ACE: variants seen among roughly 807,000 people sequenced by gnomAD.
ACE encodes angiotensin I converting enzyme.
A neutral mutation model predicts 162.3 loss-of-function variants in ACE; 122 were observed. The observed-to-expected ratio is 0.75, with a 90% CI of 0.65 to 0.87. The LOEUF is 0.87. ACE is among the 40% of genes least tolerant of loss of function. The pLI, the probability that ACE is intolerant of heterozygous loss-of-function variation, is 0.00. For missense variants in ACE, 1,799 were observed against 1,735.1 expected, an observed-to-expected ratio of 1.04 and a Z score of -0.65; for synonymous variants, 796 against 720.6, an observed-to-expected ratio of 1.10 and a Z score of -1.68.
Position 63,494,464 on chromosome 17 carries a change from A to G in ACE, c.3374A>G (p.Tyr1125Cys). 1 of 1,613,532 alleles carries G rather than the reference A, an allele frequency of 6.2e-7. No individual in the cohort carries two copies. Among genetic ancestry groups the G allele is most frequent in the Admixed American group, 1.7e-5 (1 of 59,950 alleles). Residue 1125 changes from tyrosine to cysteine, a missense_variant, in exon 22 of 25, where the codon TAC (tyrosine) becomes TGC (cysteine). By Grantham distance (194) the Tyr-to-Cys change is radical. Coordinates refer to ENST00000290866, the MANE Select transcript of ACE (RefSeq NM_000789.4). ...TTCCACATTCCTTCTAGCGTGCCTTACATCAGGTAACGGGAAAGGCAGGAG... is the reference window on the plus strand; with the variant it reads ...TTCCACATTCCTTCTAGCGTGCCTTGCATCAGGTAACGGGAAAGGCAGGAG... ...AKFHIPSSVP[Y>C]IRYFVSFIIQ... is the part of the protein sequence containing the mutation.
rs111618613 is a variant in ACE, at chr17:63,497,871, C to G, written c.*505C>G. 3.7e-3 allele frequency: 976 copies of G among 264,356 alleles called. 6 individuals carry two copies. Among genetic ancestry groups the G allele is most frequent in the African/African-American group, 0.02 (878 of 44,278 alleles). The allele number at this position is 264,356 out of a possible 1,614,324, so 16.4% of individuals were successfully genotyped here. On this transcript the variant is annotated 3_prime_UTR_variant, in exon 25 of 25. Transcript: ENST00000290866. ...GCCCAAGCACTGACCCACGCGGACT[C>G]TGGGAAGCAGACATCCTGGGCTGCT...
At position 63,481,204 on chromosome 17, in the gene ACE, A is replaced by G. The variant is rs201274031; in HGVS notation, c.945+16A>G. On this transcript the variant is annotated intron_variant, in intron 6 of 24. Coordinates refer to ENST00000290866, the MANE Select transcript of ACE (RefSeq NM_000789.4). ...GCTGCAGCAGGTAAGCTCTGGGCTCAAGCCTGGGGTGGTGGGGGTCGGGGG... is the reference window on the plus strand; with the variant it reads ...GCTGCAGCAGGTAAGCTCTGGGCTCGAGCCTGGGGTGGTGGGGGTCGGGGG... The G allele has an allele frequency of 3.1e-4, 377 of 1,231,286 alleles. 1 individual carries two copies. The African/African-American group carries it at 5.5e-3, about 18-fold the overall frequency. 76.3% of individuals were successfully genotyped at this position (1,231,286 alleles called of 1,614,324 possible).
At chr17:63,478,758 C>G in intron 2 of ACE, 1 of 574,870 alleles carries the variant, frequency 1.7e-6, no homozygotes, top group Admixed American at 2.6e-5. Flanking sequence ...TGGTGCCAAG[C>G]TGGGACTTGA....
chr17:63,482,233 G>A (rs1159934695), intron 7 of ACE, among the ~76,000 whole-genome samples: 7 of 152,048 alleles, frequency 4.6e-5, no homozygotes, highest in African/African-American at 9.7e-5. Context: ...CCCGGGAGGC[G>A]GAGGTTGCAG....
At position 63,484,677 on chromosome 17, in the gene ACE, A is replaced by G; in HGVS notation, c.1921+136A>G. Reference sequence around the variant, plus strand: ...TCCTGGAGGGCCAGGCAGCCCCCCAAGCTCATCAGCAGGGCCTGCGAGTGG... The same window carrying G: ...TCCTGGAGGGCCAGGCAGCCCCCCAGGCTCATCAGCAGGGCCTGCGAGTGG... On this transcript the variant is annotated intron_variant, in intron 12 of 24. Coordinates refer to ENST00000290866, the MANE Select transcript of ACE (RefSeq NM_000789.4). The surrounding 1 kb of genome is among the most constrained non-coding windows in gnomAD (Gnocchi z 4.0). 1 of 1,444,306 alleles carries G rather than the reference A, an allele frequency of 6.9e-7. No individual in the cohort carries two copies. The highest frequency in any genetic ancestry group is 9.1e-7 in the Non-Finnish European group (1 of 1,094,984). The allele number at this position is 1,444,306 out of a possible 1,614,324, so 89.5% of individuals were successfully genotyped here.
Position 63,484,241 on chromosome 17 carries a change from C to T in ACE, c.1710-89C>T, listed in dbSNP as rs866892521. The T allele has an allele frequency of 2.0e-5, 28 of 1,425,402 alleles. No homozygotes were observed. Among genetic ancestry groups the T allele is most frequent in the Non-Finnish European group, 2.5e-5 (26 of 1,045,514 alleles). The allele number at this position is 1,425,402 out of a possible 1,614,324, so 88.3% of individuals were successfully genotyped here. ...ACAGTTTCTGCAGTCCATTGGGGGG[C>T]GGAAGTGGCCAGGGGCATGTGGGCC... On this transcript the variant is annotated intron_variant, in intron 11 of 24. Coordinates refer to ENST00000290866, the MANE Select transcript of ACE (RefSeq NM_000789.4). The surrounding 1 kb of genome is among the most constrained non-coding windows in gnomAD (Gnocchi z 4.0).
At position 63,477,353 on chromosome 17, in the gene ACE, C is replaced by G. The variant is rs781610217; in HGVS notation, c.249+10C>G. 9.1e-6 allele frequency: 11 copies of G among 1,210,042 alleles called. No homozygotes were observed. The highest frequency in any genetic ancestry group is 3.1e-4 in the Middle Eastern group (1 of 3,272). 75.0% of individuals were successfully genotyped at this position (1,210,042 alleles called of 1,614,324 possible). On this transcript the variant is annotated intron_variant, in intron 1 of 24. Coordinates refer to ENST00000290866, the MANE Select transcript of ACE (RefSeq NM_000789.4). ...GAATGCAAGGCGCCAGGTGGGCGCCCGGGCCCGGGCGGGGGCGGGGCGGGG... is the reference window on the plus strand; with the variant it reads ...GAATGCAAGGCGCCAGGTGGGCGCCGGGGCCCGGGCGGGGGCGGGGCGGGG...
chr17:63,487,923 G>A (rs1485531945), intron 15 of ACE, among the ~76,000 whole-genome samples: 1 of 152,216 alleles, frequency 6.6e-6, no homozygotes, highest in Non-Finnish European at 1.5e-5. Context: ...TTGTGGATGT[G>A]GGTACCCATG....
Position 63,488,800 on chromosome 17 carries a change from C to T in ACE, c.2449+9C>T, listed in dbSNP as rs1279190787. The T allele has an allele frequency of 7.4e-6, 12 of 1,614,038 alleles. No individual in the cohort carries two copies. Among genetic ancestry groups the T allele is most frequent in the Non-Finnish European group, 1.0e-5 (12 of 1,180,024 alleles). ...GGCTGCCCGGCTCAATGGTGAGTCC[C>T]TGCTGCCAACATCACTGGCACTTGG... On this transcript the variant is annotated intron_variant, in intron 16 of 24. Coordinates refer to ENST00000290866, the MANE Select transcript of ACE (RefSeq NM_000789.4).
At chr17:63,490,606 C>A in intron 17 of ACE, 1 of 369,018 alleles carries the variant, frequency 2.7e-6, no homozygotes, top group South Asian at 2.3e-5. Flanking sequence ...TGGTGCAGAG[C>A]CAATAAGAGG....
At chr17:63,483,356 C>G in intron 9 of ACE, 104 bp from the exon 10 acceptor site, 1 of 1,456,446 alleles carries the variant, frequency 6.9e-7, no homozygotes, top group Non-Finnish European at 9.6e-7. Flanking sequence ...CCCAGTTCCT[C>G]AGGATGGGGA....
At chr17:63,485,160 A>G in intron 12 of ACE, 76 bp from the exon 13 acceptor site, 1 of 1,607,044 alleles carries the variant, frequency 6.2e-7, no homozygotes, top group African/African-American at 1.3e-5. Context: ...CGAGAGGGAT[A>G]ATGGCTTCTG....
intron 1 of ACE, 72 bp from the exon 2 acceptor site, chr17:63,477,859 C>A: frequency 6.5e-7 from 1 of 1,544,896 alleles, no homozygotes; most frequent in Non-Finnish European, 8.8e-7. Context: ...TCCCCCAGCA[C>A]CGTGGCTTCT....
In ACE at chr17:63,491,324, G is replaced by A; in HGVS notation, c.2855G>A (p.Gly952Glu). ...TCGATGCTGGAGAAGCCAACCGACG[G>A]GCGGGAGGTGGTCTGCCACGCCTCG... ...NKSMLEKPTD[G>E]REVVCHASAW... Residue 952 changes from glycine to glutamate, a missense_variant, in exon 19 of 25, where the codon GGG becomes GAG. Gly to Glu is a moderately conservative substitution (Grantham distance 98). Transcript: ENST00000290866. The surrounding 1 kb of genome is among the most constrained non-coding windows in gnomAD (Gnocchi z 4.4). 2 of 1,614,182 alleles carry A rather than the reference G, an allele frequency of 1.2e-6. No homozygotes were observed. The highest frequency in any genetic ancestry group is 2.2e-5 in the South Asian group (2 of 91,082).
At chr17:63,482,339 T>C in intron 7 of ACE, 127 bp from the exon 8 acceptor site, 1 of 788,394 alleles carries the variant, frequency 1.3e-6, no homozygotes, top group Non-Finnish European at 2.2e-6. Flanking sequence ...TTGTTTCTAC[T>C]GCGGCTTCAT....
intron 6 of ACE, 77 bp from the exon 7 acceptor site, chr17:63,481,489 G>A (rs562737872): frequency 6.9e-5 from 107 of 1,544,810 alleles, no homozygotes; most frequent in Non-Finnish European, 8.7e-5. Flanking sequence ...GAGTTGACCC[G>A]AGATGGGGAC....
Position 63,482,569 on chromosome 17 carries a change from C to T in ACE, c.1222C>T (p.Leu408=). The change falls in exon 8 of 25, where the codon CTG becomes TTG. Residue 408 remains leucine, a synonymous_variant. Coordinates refer to ENST00000290866, the MANE Select transcript of ACE (RefSeq NM_000789.4). The part of the protein sequence containing the change: ...YLQYKDLPVS[L]RRGANPGFHE... ...GCAGTACAAGGATCTGCCCGTCTCC[C>T]TGCGTCGGGGGGCCAACCCCGGCTT... 6.2e-7 allele frequency: 1 copy of T among 1,614,148 alleles called. No individual in the cohort carries two copies. Among genetic ancestry groups the T allele is most frequent in the East Asian group, 2.2e-5 (1 of 44,868 alleles).
chr17:63,479,866 G>A lies in ACE; in HGVS notation c.609G>A (p.Leu203=). ...CTGCGGGCATCCCGCTGAAACCGCT[G>A]TACGAGGATTTCACTGCCCTCAGCA... is the stretch of plus-strand genomic sequence containing the variant. ...HNAAGIPLKP[L]YEDFTALSNE... is the part of the protein sequence containing the mutation. The change falls in exon 4 of 25, where the codon CTG becomes CTA. Residue 203 remains leucine (L), a synonymous_variant. Transcript: ENST00000290866. 1.2e-6 allele frequency: 2 copies of A among 1,612,788 alleles called. No individual in the cohort carries two copies. The highest frequency in any genetic ancestry group is 2.2e-5 in the East Asian group (1 of 44,888).
rs755250488 is a variant in ACE at position 63,494,364 on chromosome 17, C to G, written c.3282-8C>G. ...ACTCATCTTCCAACATATATTCCCA[C>G]TCGACAGGCTGAAGTACCAGGGCCT... On this transcript the variant is annotated splice_region_variant and splice_polypyrimidine_tract_variant and intron_variant, in intron 21 of 24. Transcript: ENST00000290866. 3 of 1,613,396 alleles carry G rather than the reference C, an allele frequency of 1.9e-6. No individual in the cohort carries two copies. The highest frequency in any genetic ancestry group is 1.7e-6 in the Non-Finnish European group (2 of 1,179,462).
Sources: gnomAD v4.1 joint callset for allele counts (sites outside exome capture counted in the v4.1 genomes callset) on GRCh38, gnomAD v4.1.1 for gene constraint, Gnocchi (gnomAD v3.1) non-coding constraint, MANE v1.5 for transcripts, NCBI Gene and HGNC (gene_info 2026-07-23, HGNC 2026-07-21) for gene names.